Variants in POFUT3 observed in about 807,000 individuals in gnomAD.
POFUT3 encodes protein O-fucosyltransferase 3.
At chr8:33,364,960 TAAGCCA>T in the POFUT3 span, among the ~76,000 whole-genome samples, 4 of 152,208 alleles carry the variant, frequency 2.6e-5, no homozygotes, top group Admixed American at 2.6e-4. Context: ...AAGACAATCT[TAAGCCA>T]AAAGAACAAA....
chr8:33,458,746 A>T, the POFUT3 span, among the ~76,000 whole-genome samples: 2 of 152,002 alleles, frequency 1.3e-5, no homozygotes, highest in Non-Finnish European at 2.9e-5. Context: ...AAACAAAAAA[A>T]AACTTCCCAC....
the POFUT3 span, among the ~76,000 whole-genome samples, chr8:33,451,523 T>G: frequency 1.3e-5 from 2 of 152,092 alleles, no homozygotes; most frequent in African/African-American, 4.8e-5. Context: ...TGTACATATG[T>G]ATATGCATAT....
the POFUT3 span, among the ~76,000 whole-genome samples, chr8:33,405,130 C>T: frequency 3.3e-5 from 5 of 151,986 alleles, no homozygotes; most frequent in Non-Finnish European, 4.4e-5. Context: ...CTGTTTAGCT[C>T]CCCACCAGAC....
the POFUT3 span, among the ~76,000 whole-genome samples, chr8:33,397,212 A>C: frequency 6.6e-6 from 1 of 152,248 alleles, no homozygotes; most frequent in Non-Finnish European, 1.5e-5. Context: ...AGCAAATTAA[A>C]GTACTTCTGA....
the POFUT3 span, among the ~76,000 whole-genome samples, chr8:33,426,331 C>T: frequency 2.0e-5 from 3 of 152,120 alleles, no homozygotes. Context: ...TGAGGACTGT[C>T]CCAGCTTCAT....
the POFUT3 span, among the ~76,000 whole-genome samples, chr8:33,412,313 C>T: frequency 1.3e-5 from 2 of 152,238 alleles, no homozygotes; most frequent in East Asian, 3.9e-4. Flanking sequence ...AAAGCAAAAG[C>T]AGAAAAAGGC....
At chr8:33,449,084 T>C in the POFUT3 span, among the ~76,000 whole-genome samples, 2 of 152,158 alleles carry the variant, frequency 1.3e-5, no homozygotes, top group African/African-American at 4.8e-5. Context: ...GAGAAGGTCA[T>C]ACAGTATAAG....
chr8:33,378,707 G>A, the POFUT3 span, among the ~76,000 whole-genome samples: 1 of 152,184 alleles, frequency 6.6e-6, no homozygotes, highest in East Asian at 1.9e-4. Flanking sequence ...AAAGCTGAGG[G>A]TGGAGGAGAA....
the POFUT3 span, among the ~76,000 whole-genome samples, chr8:33,428,015 T>C: frequency 2.6e-5 from 4 of 152,084 alleles, no homozygotes; most frequent in African/African-American, 9.7e-5. Flanking sequence ...ATCCCACTAC[T>C]TGGGAGGCTG....
chr8:33,389,005 C>T, the POFUT3 span: 1 of 1,614,190 alleles, frequency 6.2e-7, no homozygotes, highest in Non-Finnish European at 8.5e-7. Flanking sequence ...TGGTGCACAC[C>T]ATACACTCAA....
chr8:33,373,254 C>T, the POFUT3 span, among the ~76,000 whole-genome samples: 2 of 152,124 alleles, frequency 1.3e-5, no homozygotes, highest in African/African-American at 2.4e-5. Context: ...TGTTCTCAAT[C>T]TCTGGGCATT....
the POFUT3 span, among the ~76,000 whole-genome samples, chr8:33,420,535 GAA>G: frequency 1.3e-5 from 2 of 152,102 alleles, no homozygotes; most frequent in Non-Finnish European, 2.9e-5. Context: ...TTGCCAAAAT[GAA>G]AAGTTTCAAT....
At chr8:33,372,580 G>A in the POFUT3 span, 2 of 1,612,994 alleles carry the variant, frequency 1.2e-6, no homozygotes, top group Non-Finnish European at 1.7e-6. Flanking sequence ...TTTGAAATCA[G>A]TCCTTGAATA....
chr8:33,453,368 T>C, the POFUT3 span: 1 of 1,614,174 alleles, frequency 6.2e-7, no homozygotes, highest in African/African-American at 1.3e-5. Context: ...CAATTCCCAT[T>C]TTCTTTTCCT....
the POFUT3 span, among the ~76,000 whole-genome samples, chr8:33,445,450 A>G: frequency 6.6e-6 from 1 of 152,058 alleles, no homozygotes; most frequent in Non-Finnish European, 1.5e-5. Flanking sequence ...AGAAATCTCT[A>G]CTCCTGAGAA....
chr8:33,341,847 C>G, the POFUT3 span, among the ~76,000 whole-genome samples: 1 of 152,034 alleles, frequency 6.6e-6, no homozygotes, highest in Non-Finnish European at 1.5e-5. Flanking sequence ...TTGCTTGAGC[C>G]CAGGAGTTCA....
chr8:33,323,737 C>A, the POFUT3 span, among the ~76,000 whole-genome samples: 3 of 152,192 alleles, frequency 2.0e-5, no homozygotes, highest in Non-Finnish European at 4.4e-5. Flanking sequence ...CTTTACCTCT[C>A]TTGTCAGAAA....
At chr8:33,364,178 T>C in the POFUT3 span, among the ~76,000 whole-genome samples, 1 of 152,296 alleles carries the variant, frequency 6.6e-6, no homozygotes. Flanking sequence ...AACCACATGA[T>C]TATTGCAATA....
At chr8:33,317,852 TC>T in the POFUT3 span, among the ~76,000 whole-genome samples, 18 of 152,104 alleles carry the variant, frequency 1.2e-4, no homozygotes, top group African/African-American at 3.9e-4. Flanking sequence ...AGTCTTCATT[TC>T]CCCCATCAGG....
Sources: allele counts gnomAD v4.1 joint callset (sites outside exome capture counted in the v4.1 genomes callset), GRCh38; gene constraint gnomAD v4.1.1; transcripts MANE v1.5; gene names NCBI Gene and HGNC (gene_info 2026-07-23, HGNC 2026-07-21).